The following SLC4A2 variants were observed in gnomAD, a reference collection of about 807,000 sequenced individuals.
SLC4A2 encodes the protein solute carrier family 4 member 2, also known as anion exchange protein 2.
A neutral mutation model predicts 115.0 loss-of-function variants in SLC4A2; 36 were observed. That is an observed-to-expected ratio of 0.31 (90% CI 0.24 to 0.41). The LOEUF (loss-of-function observed/expected upper bound fraction) is 0.41. Among genes scored for constraint, SLC4A2 ranks in the 10% least tolerant of loss-of-function variants. The pLI, the probability that SLC4A2 is intolerant of heterozygous loss-of-function variation, is 1.00. For synonymous variants in SLC4A2, 708 were observed against 708.3 expected (o/e 1.00, Z 0.01); for missense variants, 1,252 against 1,705.6 (o/e 0.73, Z 4.68).
In SLC4A2 at chr7:151,062,469, G is replaced by A; in HGVS notation, c.51+431G>A. The stretch of plus-strand genomic sequence containing the variant: ...CAGGCCCGCCCCTCCCTGCCCCCAC[G>A]TGGCCACCGCTCCACATGGCCCCCT... On this transcript the variant is annotated intron_variant, in intron 2 of 22. Transcript: ENST00000413384. 8 of 589,312 alleles carry A rather than the reference G, an allele frequency of 1.4e-5. No individual in the cohort carries two copies. In the East Asian group the frequency reaches 5.8e-4, roughly 43 times the overall value. 36.5% of individuals were successfully genotyped at this position (589,312 alleles called of 1,614,324 possible).
At position 151,075,622 on chromosome 7, in the gene SLC4A2, C is replaced by A. The variant is rs771956638; in HGVS notation, c.3318C>A (p.Ile1106=). ...VALLVGLSIV[I]GDLLRQIPLA... is the part of the protein sequence containing the mutation. ...CTCCCGTAGGCCTCTCCATAGTTAT[C>A]GGGGATCTGCTCCGGCAGATCCCCC... Residue 1106 remains isoleucine (I), a synonymous_variant, in exon 21 of 23, where the codon ATC becomes ATA. Coordinates refer to ENST00000413384, the MANE Select transcript of SLC4A2 (RefSeq NM_003040.4). 21 of 1,594,430 alleles carry A rather than the reference C, an allele frequency of 1.3e-5. No individual in the cohort carries two copies. The South Asian group carries it at 1.5e-4, about 12-fold the overall frequency.
chr7:151,065,836 C>G (rs1217335575), intron 5 of SLC4A2, among the ~76,000 whole-genome samples: 1 of 152,110 alleles, frequency 6.6e-6, no homozygotes, highest in Non-Finnish European at 1.5e-5. Flanking sequence ...TGGGAGGGGA[C>G]TCTGATGTTG....
rs772628079 is a variant in SLC4A2 at position 151,074,298 on chromosome 7, G to A, written c.2790+5G>A. Reference sequence around the variant, plus strand: ...AGCCGGTTCTTTCCTGGCCGGGTGCGTGGGCTTAAAGGCCAAGAGGGGGTT... The same window carrying A: ...AGCCGGTTCTTTCCTGGCCGGGTGCATGGGCTTAAAGGCCAAGAGGGGGTT... On this transcript the variant is annotated splice_donor_5th_base_variant and intron_variant, in intron 17 of 22. Coordinates refer to ENST00000413384, the MANE Select transcript of SLC4A2 (RefSeq NM_003040.4). 6.2e-7 allele frequency: 1 copy of A among 1,608,550 alleles called. No individual in the cohort carries two copies. The highest frequency in any genetic ancestry group is 8.5e-7 in the Non-Finnish European group (1 of 1,178,882).
chr7:151,075,574 G>A (rs532021095), intron 20 of SLC4A2, 32 bp from the exon 21 acceptor site: 29 of 1,585,608 alleles, frequency 1.8e-5, no homozygotes, highest in African/African-American at 1.1e-4. Context: ...AGGGGACCCC[G>A]GGGCCAACTC....
rs750026717 is a variant in SLC4A2, at chr7:151,063,154, G to C, written c.52-1048G>C. The stretch of plus-strand genomic sequence containing the variant: ...CGCCGCATTCCCTGCCGGCTGTGCC[G>C]GCCGGCCGCTGCTCCGCGCCCGCAG... On this transcript the variant is annotated intron_variant, in intron 2 of 22. Coordinates refer to ENST00000413384, the MANE Select transcript of SLC4A2 (RefSeq NM_003040.4). 2.7e-6 allele frequency: 4 copies of C among 1,506,472 alleles called. No individual in the cohort carries two copies. The African/African-American group carries it at 4.3e-5, about 16-fold the overall frequency. The allele number at this position is 1,506,472 out of a possible 1,614,324, so 93.3% of individuals were successfully genotyped here.
intron 1 of SLC4A2, chr7:151,061,102 AG>A (rs1339047998): frequency 2.0e-5 from 3 of 152,120 alleles, no homozygotes; most frequent in African/African-American, 7.3e-5. Context: ...ACTGCCACTC[AG>A]ATTTTCCTGG....
In SLC4A2 at chr7:151,069,876, C is replaced by T. The variant is rs1013335202; in HGVS notation, c.1148-71C>T. 3.8e-6 allele frequency: 6 copies of T among 1,592,808 alleles called. No individual in the cohort carries two copies. The African/African-American group carries it at 5.4e-5, about 14-fold the overall frequency. On this transcript the variant is annotated intron_variant, in intron 8 of 22. Transcript: ENST00000413384. ...CCCACCCACCTGTCCCCAGCTCCTG[C>T]TCCCCATCCCATCTCCTGCCACTGT...
At position 151,071,131 on chromosome 7, in the gene SLC4A2, C is replaced by T. The variant is rs142780430; in HGVS notation, c.1809C>T (p.Asn603=). 251 of 1,612,896 alleles carry T rather than the reference C, an allele frequency of 1.6e-4. 1 individual carries two copies. In the African/African-American group the frequency reaches 2.9e-3, roughly 19 times the overall value. Residue 603 remains asparagine, a synonymous_variant, in exon 13 of 23, where the codon AAC becomes AAT. Coordinates refer to ENST00000413384, the MANE Select transcript of SLC4A2 (RefSeq NM_003040.4). The surrounding 1 kb of genome is among the most constrained non-coding windows in gnomAD (Gnocchi z 5.5). Reference sequence around the variant, plus strand: ...GGGAGGACCTGCTGACGGCCATCAACGCCTTCCTGGACTGCAGCGTGGTGC... The same window carrying T: ...GGGAGGACCTGCTGACGGCCATCAATGCCTTCCTGGACTGCAGCGTGGTGC... ...DEREDLLTAI[N]AFLDCSVVLP... is the part of the protein sequence containing the mutation.
At position 151,071,792 on chromosome 7, in the gene SLC4A2, C is replaced by G. The variant is rs751878390; in HGVS notation, c.2295C>G (p.Ile765Met). The G allele has an allele frequency of 6.2e-7, 1 of 1,611,452 alleles. No homozygotes were observed. The highest frequency in any genetic ancestry group is 1.7e-5 in the Admixed American group (1 of 59,720). ...TGGGTGCCCAGCCCCTGTTGGTGAT[C>G]GGCTTCTCAGGGCCCCTGCTGGTCT... ...CLLGAQPLLVIGFSGPLLVFE... is the reference protein window; with the variant it reads ...CLLGAQPLLVMGFSGPLLVFE... The change falls in exon 15 of 23, where the codon ATC becomes ATG. Residue 765 changes from isoleucine (I) to methionine (M), a missense_variant. Around this residue, in one of 14 missense-constraint regions of SLC4A2, gnomAD observed 118 missense variants for 203.3 expected, o/e 0.58. Transcript: ENST00000413384. This position sits in a 1 kb window ranked among gnomAD's most constrained non-coding sequence, Gnocchi z 5.5.
rs1255023347 is a variant in SLC4A2, at chr7:151,075,381, T to G, written c.3174T>G (p.Thr1058=). Residue 1058 remains threonine (T), a synonymous_variant, in exon 20 of 23, where the codon ACT becomes ACG. Transcript: ENST00000413384. The stretch of plus-strand genomic sequence containing the variant: ...GCCTGCCCTGGTTGGCTGCTGCCAC[T>G]GTCCGCTCTGTCACTCACGCCAACG... ...LFGLPWLAAA[T]VRSVTHANAL... 6.2e-7 allele frequency: 1 copy of G among 1,611,392 alleles called. No homozygotes were observed. Among genetic ancestry groups the G allele is most frequent in the Non-Finnish European group, 8.5e-7 (1 of 1,180,026 alleles).
rs1563353379 is a variant in SLC4A2 at position 151,069,996 on chromosome 7, C to G, written c.1197C>G (p.His399Gln). ...AGCAGACCCTGCCCGGAGTGGCCCA[C>G]CAGGTGGTGGAGCAGATGGTCATCT... ...LDQQTLPGVA[H>Q]QVVEQMVISD... Residue 399 changes from histidine to glutamine, a missense_variant, in exon 9 of 23, where the codon CAC becomes CAG. Physicochemically the swap from His to Gln is conservative, Grantham distance 24. This residue lies in a region of SLC4A2 where 142 missense variants were observed against 153.5 expected (regional missense o/e 0.93). Coordinates refer to ENST00000413384, the MANE Select transcript of SLC4A2 (RefSeq NM_003040.4). 6.2e-7 allele frequency: 1 copy of G among 1,614,064 alleles called. No homozygotes were observed. Among genetic ancestry groups the G allele is most frequent in the Admixed American group, 1.7e-5 (1 of 60,028 alleles).
Position 151,070,500 on chromosome 7 carries a change from C to G in SLC4A2, c.1493C>G (p.Ser498Cys). ...GCACCACCAGCTGGCATCACCCGCT[C>G]CAAGTCCAAGCACGAGCTGAAACTG... The part of the protein sequence containing the change: ...PPAPPAGITR[S>C]KSKHELKLLE... Residue 498 changes from serine to cysteine, a missense_variant, in exon 11 of 23, where the codon TCC becomes TGC. By Grantham distance (112) the Ser-to-Cys change is moderately radical. Around this residue, in one of 14 missense-constraint regions of SLC4A2, gnomAD observed 142 missense variants for 153.5 expected, o/e 0.93. Transcript: ENST00000413384. 1 of 1,613,744 alleles carries G rather than the reference C, an allele frequency of 6.2e-7. No homozygotes were observed. Among genetic ancestry groups the G allele is most frequent in the Non-Finnish European group, 8.5e-7 (1 of 1,179,882 alleles).
In SLC4A2 at chr7:151,071,730, A is replaced by G. The variant is rs1239605906; in HGVS notation, c.2233A>G (p.Met745Val). The G allele has an allele frequency of 6.2e-6, 10 of 1,611,838 alleles. No individual in the cohort carries two copies. Among genetic ancestry groups the G allele is most frequent in the Non-Finnish European group, 8.5e-6 (10 of 1,179,060 alleles). Residue 745 changes from methionine to valine, a missense_variant, in exon 15 of 23, where the codon ATG (methionine) becomes GTG (valine). This residue lies in a region of SLC4A2 where 118 missense variants were observed against 203.3 expected (regional missense o/e 0.58). Coordinates refer to ENST00000413384, the MANE Select transcript of SLC4A2 (RefSeq NM_003040.4). This position sits in a 1 kb window ranked among gnomAD's most constrained non-coding sequence, Gnocchi z 5.5. ...QDLIGVSELI[M>V]STALQGVVFC... Reference sequence around the variant, plus strand: ...CCTGATAGGGGTGTCGGAGCTGATTATGTCCACAGCGCTCCAGGGCGTGGT... The same window carrying G: ...CCTGATAGGGGTGTCGGAGCTGATTGTGTCCACAGCGCTCCAGGGCGTGGT...
At position 151,064,616 on chromosome 7, in the gene SLC4A2, G is replaced by C. The variant is rs1797165554; in HGVS notation, c.308G>C (p.Gly103Ala). Residue 103 changes from glycine to alanine, a missense_variant, in exon 4 of 23, where the codon GGA becomes GCA. This residue lies in a region of SLC4A2 where 215 missense variants were observed against 205.2 expected (regional missense o/e 1.05). Coordinates refer to ENST00000413384, the MANE Select transcript of SLC4A2 (RefSeq NM_003040.4). ...ARRRKTPQGP[G>A]RKPRRRPGAS... ...CGCCGCAAGACACCCCAGGGCCCAG[G>C]ACGGAAGCCTCGAAGGCGCCCGGGA... 22 of 1,613,592 alleles carry C rather than the reference G, an allele frequency of 1.4e-5. No homozygotes were observed. Among genetic ancestry groups the C allele is most frequent in the Non-Finnish European group, 1.9e-5 (22 of 1,179,910 alleles).
At position 151,071,726 on chromosome 7, in the gene SLC4A2, G is replaced by C; in HGVS notation, c.2229G>C (p.Leu743=). The C allele has an allele frequency of 6.2e-7, 1 of 1,611,828 alleles. No homozygotes were observed. Among genetic ancestry groups the C allele is most frequent in the Non-Finnish European group, 8.5e-7 (1 of 1,178,946 alleles). ...AGGACCTGATAGGGGTGTCGGAGCT[G>C]ATTATGTCCACAGCGCTCCAGGGCG... ...KTQDLIGVSE[L]IMSTALQGVV... is the part of the protein sequence containing the mutation. Residue 743 remains leucine, a synonymous_variant, in exon 15 of 23, where the codon CTG becomes CTC. Transcript: ENST00000413384. This position sits in a 1 kb window ranked among gnomAD's most constrained non-coding sequence, Gnocchi z 5.5.
At position 151,067,006 on chromosome 7, in the gene SLC4A2, G is replaced by A; in HGVS notation, c.966+13G>A. 6.4e-7 allele frequency: 1 copy of A among 1,569,908 alleles called. No individual in the cohort carries two copies. The highest frequency in any genetic ancestry group is 1.2e-5 in the South Asian group (1 of 85,040). The stretch of plus-strand genomic sequence containing the variant: ...CAAGCCCCATGAGGTACCATGCTCT[G>A]CTTCATGCTCTTCCATCAACTTCCC... On this transcript the variant is annotated intron_variant, in intron 7 of 22. Transcript: ENST00000413384.
chr7:151,071,621 A>T lies in SLC4A2; in HGVS notation c.2191+16A>T, dbSNP rs746483276. The T allele has an allele frequency of 1.9e-6, 3 of 1,613,576 alleles. No individual in the cohort carries two copies. Among genetic ancestry groups the T allele is most frequent in the Non-Finnish European group, 2.5e-6 (3 of 1,179,874 alleles). On this transcript the variant is annotated intron_variant, in intron 14 of 22. Transcript: ENST00000413384. This position sits in a 1 kb window ranked among gnomAD's most constrained non-coding sequence, Gnocchi z 5.5. Reference sequence around the variant, plus strand: ...GGGCTGCTGGGTGAGGAGAGCCTTCAGGTAGGGGGCGGCGGGGACTGCCCA... The same window carrying T: ...GGGCTGCTGGGTGAGGAGAGCCTTCTGGTAGGGGGCGGCGGGGACTGCCCA...
Position 151,075,752 on chromosome 7 carries a change from C to T in SLC4A2, c.3448C>T (p.Pro1150Ser), listed in dbSNP as rs1398985124. The T allele has an allele frequency of 6.2e-7, 1 of 1,607,306 alleles. No homozygotes were observed. The highest frequency in any genetic ancestry group is 8.5e-7 in the Non-Finnish European group (1 of 1,174,532). The change falls in exon 21 of 23, where the codon CCA (proline) becomes TCA (serine). Residue 1150 changes from proline (P) to serine (S), a missense_variant. Pro to Ser is a moderately conservative substitution (Grantham distance 74, BLOSUM62 -1). Coordinates refer to ENST00000413384, the MANE Select transcript of SLC4A2 (RefSeq NM_003040.4). The stretch of plus-strand genomic sequence containing the variant: ...GCTGCTCATGCCGCCCAAACACCAC[C>T]CAGATGTCACTTACGTCAAGAAGGT... ...HLLLMPPKHH[P>S]DVTYVKKVRT... is the part of the protein sequence containing the mutation.
rs201064747 is a variant in SLC4A2, at chr7:151,064,171, G to A, written c.52-31G>A. 59 of 1,606,562 alleles carry A rather than the reference G, an allele frequency of 3.7e-5. No individual in the cohort carries two copies. In the African/African-American group the frequency reaches 5.5e-4, roughly 15 times the overall value. Reference sequence around the variant, plus strand: ...CGGGGTACAATTCCCAGTGAGCCCTGTGTGTTTTCTCTCTGCCTTCTTCCT... The same window carrying A: ...CGGGGTACAATTCCCAGTGAGCCCTATGTGTTTTCTCTCTGCCTTCTTCCT... On this transcript the variant is annotated intron_variant, in intron 2 of 22. Transcript: ENST00000413384.
Sources: gnomAD v4.1 joint callset for allele counts (sites outside exome capture counted in the v4.1 genomes callset) on GRCh38, gnomAD v4.1.1 for gene constraint, gnomAD v4.1.1 regional missense constraint, Gnocchi (gnomAD v3.1) non-coding constraint, MANE v1.5 for transcripts, NCBI Gene and HGNC (gene_info 2026-07-23, HGNC 2026-07-21) for gene names.